Variants in A1CF observed in about 807,000 individuals in gnomAD.
A1CF encodes APOBEC1 complementation factor, also known as APOBEC-1 stimulating protein.
Under a neutral mutation model 68.9 loss-of-function variants are expected in A1CF, and 48 were observed. That is an observed-to-expected ratio of 0.70 (90% CI 0.55 to 0.89). The LOEUF is 0.89. Among genes scored for constraint, A1CF ranks in the 40% least tolerant of loss-of-function variants. The pLI is 0.00. For missense variants in A1CF, 653 were observed against 718.9 expected, an observed-to-expected ratio of 0.91 and a Z score of 1.05; for synonymous variants, 272 against 260.4, an observed-to-expected ratio of 1.04 and a Z score of -0.43.
intron 12 of A1CF, 89 bp from the exon 13 acceptor site, chr10:50,806,969 T>C: frequency 7.5e-7 from 1 of 1,334,100 alleles, no homozygotes; most frequent in African/African-American, 1.5e-5. Flanking sequence ...ATACGAACAT[T>C]TAACATATTG....
intron 1 of A1CF, among the ~76,000 whole-genome samples, chr10:50,880,975 C>A (rs1265885303): frequency 6.6e-6 from 1 of 151,458 alleles, no homozygotes; most frequent in East Asian, 1.9e-4. Context: ...GTCCTCTCTT[C>A]ACTGTTTTCA....
intron 3 of A1CF, among the ~76,000 whole-genome samples, chr10:50,856,335 C>A (rs2132512736): frequency 6.6e-6 from 1 of 152,122 alleles, no homozygotes; most frequent in South Asian, 2.1e-4. Context: ...AGGAGGGATT[C>A]TTTAATTCAT....
rs1837549625 is a variant in A1CF at position 50,800,341 on chromosome 10, A to G, written c.*6388T>C. ...TTTGAAAACTCATTTTACTTAAATA[A>G]CCATAATAGGTGAAGTGTTAAATTC... On this transcript the variant is annotated 3_prime_UTR_variant, in exon 13 of 13. Transcript: ENST00000373997. The G allele has an allele frequency of 6.6e-6, 1 of 152,168 alleles. No homozygotes were observed. The highest frequency in any genetic ancestry group is 1.9e-4 in the East Asian group (1 of 5,200). 9.4% of individuals were successfully genotyped at this position (152,168 alleles called of 1,614,324 possible).
At chr10:50,868,278 C>G (rs763134206) in intron 1 of A1CF, among the ~76,000 whole-genome samples, 4 of 152,178 alleles carry the variant, frequency 2.6e-5, no homozygotes, top group Non-Finnish European at 4.4e-5. Flanking sequence ...GGATTTATGA[C>G]TGAAGTCTAT....
rs1410090762 is a variant in A1CF at position 50,804,024 on chromosome 10, G to A, written c.*2705C>T. 1.3e-5 allele frequency: 2 copies of A among 152,054 alleles called. No homozygotes were observed. Among genetic ancestry groups the A allele is most frequent in the East Asian group, 3.8e-4 (2 of 5,196 alleles). The allele number at this position is 152,054 out of a possible 1,614,324, so 9.4% of individuals were successfully genotyped here. ...ACTTGCTCTATCTACCTAACTTGGG[G>A]AAAGTAAAAATAAACATATGGCATG... On this transcript the variant is annotated 3_prime_UTR_variant, in exon 13 of 13. Coordinates refer to ENST00000373997, the MANE Select transcript of A1CF (RefSeq NM_014576.4).
intron 1 of A1CF, among the ~76,000 whole-genome samples, chr10:50,869,274 A>G (rs1347187256): frequency 6.6e-6 from 1 of 152,136 alleles, no homozygotes; most frequent in African/African-American, 2.4e-5. Context: ...TAAGGTAATG[A>G]ATGTGAGAGC....
chr10:50,874,024 C>T (rs1350374394), intron 1 of A1CF, among the ~76,000 whole-genome samples: 5 of 151,742 alleles, frequency 3.3e-5, no homozygotes, highest in African/African-American at 9.7e-5. Context: ...GTACACACAC[C>T]GGCATTAAAT....
chr10:50,809,398 C>A (rs1490433706), intron 12 of A1CF, among the ~76,000 whole-genome samples: 4 of 152,044 alleles, frequency 2.6e-5, no homozygotes, highest in Non-Finnish European at 5.9e-5. Context: ...TGCTGAAAAG[C>A]TAATTGCCAG....
intron 2 of A1CF, among the ~76,000 whole-genome samples, chr10:50,861,291 CTAA>C (rs1007932407): frequency 5.3e-5 from 8 of 150,470 alleles, no homozygotes; most frequent in Admixed American, 2.7e-4. Context: ...AGACTACCTA[CTAA>C]TATTAGTATT....
intron 2 of A1CF, among the ~76,000 whole-genome samples, chr10:50,860,632 A>G (rs1258442061): frequency 3.9e-5 from 6 of 152,240 alleles, no homozygotes; most frequent in African/African-American, 1.2e-4. Context: ...AGTAGAGTAC[A>G]TGAAAACTTT....
At chr10:50,873,154 C>A (rs1841354068) in intron 1 of A1CF, among the ~76,000 whole-genome samples, 1 of 151,764 alleles carries the variant, frequency 6.6e-6, no homozygotes, top group South Asian at 2.1e-4. Context: ...CAGGGTTTTG[C>A]CATTTTGGCC....
At chr10:50,863,812 A>C (rs1589035658) in intron 2 of A1CF, among the ~76,000 whole-genome samples, 2 of 152,166 alleles carry the variant, frequency 1.3e-5, no homozygotes, top group African/African-American at 4.8e-5. Flanking sequence ...TTGATAGTAT[A>C]GTAGGGAAAT....
intron 11 of A1CF, among the ~76,000 whole-genome samples, chr10:50,810,497 T>C (rs1315123618): frequency 6.6e-6 from 1 of 152,152 alleles, no homozygotes; most frequent in Non-Finnish European, 1.5e-5. Flanking sequence ...GCTTTGTTTG[T>C]TTGAAATGGA....
chr10:50,816,439 A>G, intron 8 of A1CF, 160 bp from the exon 9 acceptor site: 2 of 831,044 alleles, frequency 2.4e-6, no homozygotes, highest in Non-Finnish European at 3.6e-6. Context: ...ATGCCAGTTG[A>G]ACTTTTTCTG....
intron 7 of A1CF, among the ~76,000 whole-genome samples, chr10:50,826,539 T>TG (rs1838946744): frequency 6.6e-6 from 1 of 152,144 alleles, no homozygotes; most frequent in Non-Finnish European, 1.5e-5. Flanking sequence ...CTAAGCTTCA[T>TG]AAGCAAAGGA....
intron 2 of A1CF, among the ~76,000 whole-genome samples, chr10:50,860,875 G>A (rs1840712693): frequency 6.6e-6 from 1 of 152,162 alleles, no homozygotes; most frequent in South Asian, 2.1e-4. Context: ...CACATACACA[G>A]AGGTGAAGGC....
At chr10:50,846,349 C>T (rs1301602904) in intron 3 of A1CF, among the ~76,000 whole-genome samples, 1 of 152,106 alleles carries the variant, frequency 6.6e-6, no homozygotes, top group Non-Finnish European at 1.5e-5. Context: ...ATCCAAAATA[C>T]TTCTGGTCCT....
intron 1 of A1CF, among the ~76,000 whole-genome samples, chr10:50,881,099 C>T (rs1841752903): frequency 6.6e-6 from 1 of 151,816 alleles, no homozygotes. Context: ...AAGTGATTTT[C>T]CCGCCTCAGC....
chr10:50,842,071 A>G, intron 4 of A1CF, 79 bp from the exon 5 acceptor site: 1 of 1,267,852 alleles, frequency 7.9e-7, no homozygotes, highest in Non-Finnish European at 1.1e-6. Flanking sequence ...TGATACACAC[A>G]CAAACACACA....
Sources: allele counts gnomAD v4.1 joint callset (sites outside exome capture counted in the v4.1 genomes callset), GRCh38; gene constraint gnomAD v4.1.1; transcripts MANE v1.5; gene names NCBI Gene and HGNC (gene_info 2026-07-23, HGNC 2026-07-21).